Variants in SLIT1 observed in about 807,000 individuals in gnomAD.
SLIT1 encodes slit guidance ligand 1.
In SLIT1, 66 loss-of-function variants were observed where a neutral mutation model predicts 186.1. The observed-to-expected ratio is 0.35, with a 90% confidence interval of 0.29 to 0.44. The LOEUF (loss-of-function observed/expected upper bound fraction) is 0.44, where lower values mean the gene tolerates loss of function less well. Ranked by LOEUF, SLIT1 falls within the 20% of genes least tolerant of loss-of-function variation. The probability of loss-of-function intolerance (pLI) is 1.00; values close to 1 mark genes in which losing one functional copy is unlikely to be tolerated. For synonymous variants in SLIT1, 761 were observed against 833.8 expected (o/e 0.91, Z 1.50); for missense variants, 1,638 against 2,037.4 (o/e 0.80, Z 3.77).
intron 1 of SLIT1, among the ~76,000 whole-genome samples, chr10:97,172,719 T>C (rs990553401): frequency 1.3e-5 from 2 of 152,028 alleles, no homozygotes; most frequent in African/African-American, 4.8e-5. Flanking sequence ...CTGGGTGACA[T>C]AGCAAGACCC....
chr10:97,066,069 G>A lies in SLIT1; in HGVS notation c.431C>T (p.Ala144Val). 6.2e-7 allele frequency: 1 copy of A among 1,604,906 alleles called. No individual in the cohort carries two copies. ...AGCTTTCCTGGGGATGGCCTGGATG[G>A]CGTTCTCACTCAAGTCCCTGGGAGG... is the stretch of plus-strand genomic sequence containing the variant. ...ALSRLDLSEN[A>V]IQAIPRKAFR... The change falls in exon 5 of 37, where the codon GCC becomes GTC. Residue 144 changes from alanine to valine, a missense_variant. Ala to Val is a moderately conservative substitution (Grantham distance 64). Coordinates refer to ENST00000266058, the MANE Select transcript of SLIT1 (RefSeq NM_003061.3).
At position 97,010,878 on chromosome 10, in the gene SLIT1, C is replaced by T; in HGVS notation, c.3341+115G>A. 1 of 1,008,178 alleles carries T rather than the reference C, an allele frequency of 9.9e-7. No homozygotes were observed. Among genetic ancestry groups the T allele is most frequent in the South Asian group, 1.6e-5 (1 of 61,134 alleles). The allele number at this position is 1,008,178 out of a possible 1,614,324, so 62.5% of individuals were successfully genotyped here. On this transcript the variant is annotated intron_variant, in intron 31 of 36. Coordinates refer to ENST00000266058, the MANE Select transcript of SLIT1 (RefSeq NM_003061.3). This position sits in a 1 kb window ranked among gnomAD's most constrained non-coding sequence, Gnocchi z 4.8. ...AGAGCCACGGTTAAAACCCCAGCATCCAACTTCCAGGCTCTGACCCACACC... is the reference window on the plus strand; with the variant it reads ...AGAGCCACGGTTAAAACCCCAGCATTCAACTTCCAGGCTCTGACCCACACC...
At chr10:97,116,525 G>A (rs548338436) in intron 4 of SLIT1, among the ~76,000 whole-genome samples, 100 of 152,332 alleles carry the variant, frequency 6.6e-4, no homozygotes, top group African/African-American at 2.3e-3. Flanking sequence ...TGCTGACCAG[G>A]AGCCCATCCT....
intron 4 of SLIT1, among the ~76,000 whole-genome samples, chr10:97,118,762 T>C (rs2134685324): frequency 6.6e-6 from 1 of 152,332 alleles, no homozygotes; most frequent in South Asian, 2.1e-4. Context: ...CTCTGAACTA[T>C]ACATAATTTC....
intron 13 of SLIT1, 35 bp downstream of exon 13, chr10:97,056,286 G>T (rs1388558374): frequency 4.3e-6 from 7 of 1,611,168 alleles, no homozygotes; most frequent in Non-Finnish European, 5.1e-6. Context: ...CCCACCTGCT[G>T]GGAGGGGAGA....
At position 97,043,492 on chromosome 10, in the gene SLIT1, G is replaced by T; in HGVS notation, c.1875C>A (p.Ile625=). The change falls in exon 19 of 37, where the codon ATC becomes ATA. Residue 625 remains isoleucine (I), a synonymous_variant. Coordinates refer to ENST00000266058, the MANE Select transcript of SLIT1 (RefSeq NM_003061.3). The surrounding 1 kb of genome is among the most constrained non-coding windows in gnomAD (Gnocchi z 7.0). ...TGAAGCTGTCGTTGTGGATGCAGCTGATGCGGTTGTTCCGCAGCATTCTGG... is the reference window on the plus strand; with the variant it reads ...TGAAGCTGTCGTTGTGGATGCAGCTTATGCGGTTGTTCCGCAGCATTCTGG... The part of the protein sequence containing the change: ...LRTLMLRNNR[I]SCIHNDSFTG... The T allele has an allele frequency of 6.2e-7, 1 of 1,613,602 alleles. No individual in the cohort carries two copies. The highest frequency in any genetic ancestry group is 8.5e-7 in the Non-Finnish European group (1 of 1,179,850).
At position 97,000,934 on chromosome 10, in the gene SLIT1, G is replaced by C. The variant is rs543212115; in HGVS notation, c.*178C>G. 5.0e-6 allele frequency: 3 copies of C among 603,320 alleles called. No individual in the cohort carries two copies. The highest frequency in any genetic ancestry group is 5.9e-5 in the Admixed American group (2 of 34,034). 37.4% of individuals were successfully genotyped at this position (603,320 alleles called of 1,614,324 possible). On this transcript the variant is annotated 3_prime_UTR_variant, in exon 37 of 37. Transcript: ENST00000266058. ...GCCTCGCCCACCCCCGCTGCCCCCA[G>C]CTATGGCGCAATTTGCTTTTAAAAG...
At position 97,021,211 on chromosome 10, in the gene SLIT1, T is replaced by C. The variant is rs74153747; in HGVS notation, c.2746+39A>G. On this transcript the variant is annotated intron_variant, in intron 26 of 36. Transcript: ENST00000266058. This position sits in a 1 kb window ranked among gnomAD's most constrained non-coding sequence, Gnocchi z 4.5. Reference sequence around the variant, plus strand: ...GCCCTGCAGTGTTGGGCAAGTTCTGTGAGCCCCCAGCAGCAGGAGGCTGTG... The same window carrying C: ...GCCCTGCAGTGTTGGGCAAGTTCTGCGAGCCCCCAGCAGCAGGAGGCTGTG... 2.6e-3 allele frequency: 4,076 copies of C among 1,594,084 alleles called. 41 individuals are homozygous for C. In the African/African-American group the frequency reaches 0.033, roughly 13 times the overall value.
rs569094099 is a variant in SLIT1, at chr10:97,031,621, C to T, written c.2495G>A (p.Arg832His). 25 of 1,551,416 alleles carry T rather than the reference C, an allele frequency of 1.6e-5. No homozygotes were observed. The highest frequency in any genetic ancestry group is 1.3e-4 in the South Asian group (11 of 84,016). ...CIPPLAFQGLRSLRLLSLHGN... is the reference protein window; with the variant it reads ...CIPPLAFQGLHSLRLLSLHGN... Reference sequence around the variant, plus strand: ...GGAGACTTACAGCAGGCGCAGGGAGCGGAGTCCCTGGAAGGCCAAAGGCGG... The same window carrying T: ...GGAGACTTACAGCAGGCGCAGGGAGTGGAGTCCCTGGAAGGCCAAAGGCGG... Residue 832 changes from arginine to histidine, a missense_variant, in exon 24 of 37, where the codon CGC (arginine) becomes CAC (histidine). Coordinates refer to ENST00000266058, the MANE Select transcript of SLIT1 (RefSeq NM_003061.3).
At chr10:97,127,237 G>A (rs1010711240) in intron 4 of SLIT1, among the ~76,000 whole-genome samples, 2 of 151,254 alleles carry the variant, frequency 1.3e-5, no homozygotes, top group African/African-American at 4.9e-5. Context: ...AGTGAGCCGA[G>A]ATCACGCCAT....
Position 97,021,100 on chromosome 10 carries a change from G to T in SLIT1, c.2746+150C>A. On this transcript the variant is annotated intron_variant, in intron 26 of 36. Transcript: ENST00000266058. The surrounding 1 kb of genome is among the most constrained non-coding windows in gnomAD (Gnocchi z 4.5). The stretch of plus-strand genomic sequence containing the variant: ...TGTCCATGATATGTCAGGATTGGAA[G>T]GCAGCCATCAAGCCGCAGGTGCCTT... The T allele has an allele frequency of 1.5e-6, 1 of 656,386 alleles. No homozygotes were observed. The highest frequency in any genetic ancestry group is 2.5e-6 in the Non-Finnish European group (1 of 399,318). The allele number at this position is 656,386 out of a possible 1,614,324, so 40.7% of individuals were successfully genotyped here. A position where few individuals can be genotyped will look rare whatever the true frequency, so the allele number is the denominator to read the frequency against.
intron 1 of SLIT1, among the ~76,000 whole-genome samples, chr10:97,166,549 AGGAAGGAAAG>A (rs1850111631): frequency 2.1e-5 from 1 of 47,780 alleles, no homozygotes. Context: ...GAAGGAAGGA[AGGAAGGAAAG>A]AGAGAGAGAG....
intron 23 of SLIT1, among the ~76,000 whole-genome samples, chr10:97,032,070 C>T (rs984680243): frequency 1.3e-5 from 2 of 152,228 alleles, no homozygotes; most frequent in Non-Finnish European, 2.9e-5. Context: ...GGTGCATAGG[C>T]GAGTTCCCTA....
At chr10:97,171,338 C>A (rs1468274263) in intron 1 of SLIT1, among the ~76,000 whole-genome samples, 1 of 152,192 alleles carries the variant, frequency 6.6e-6, no homozygotes, top group Non-Finnish European at 1.5e-5. Context: ...AACACCCGCC[C>A]CATGCCTCTA....
chr10:97,088,306 C>T (rs781748768), intron 4 of SLIT1, among the ~76,000 whole-genome samples: 1 of 152,230 alleles, frequency 6.6e-6, no homozygotes, highest in African/African-American at 2.4e-5. Context: ...TATGGTGCCA[C>T]CTCTTTCTCC....
At chr10:97,089,208 C>G (rs1393688062) in intron 4 of SLIT1, among the ~76,000 whole-genome samples, 1 of 152,106 alleles carries the variant, frequency 6.6e-6, no homozygotes, top group Non-Finnish European at 1.5e-5. Context: ...AGTGCAAAAA[C>G]AGAATACAAA....
intron 4 of SLIT1, among the ~76,000 whole-genome samples, chr10:97,124,199 G>T (rs924760488): frequency 6.6e-6 from 1 of 152,178 alleles, no homozygotes; most frequent in Admixed American, 6.5e-5. Context: ...TATGAAAAAT[G>T]GTAGGAAATT....
chr10:97,012,206 CTTTG>C (rs1348075250), intron 30 of SLIT1, among the ~76,000 whole-genome samples: 4 of 151,638 alleles, frequency 2.6e-5, no homozygotes, highest in Admixed American at 2.6e-4. Context: ...CTGTCTGATA[CTTTG>C]TTTCATCTTT....
intron 4 of SLIT1, among the ~76,000 whole-genome samples, chr10:97,067,163 C>T (rs115701978): frequency 0.018 from 2,804 of 152,232 alleles, 89 homozygotes; most frequent in African/African-American, 0.064. Context: ...GTCAGGAGCA[C>T]GCAAGGGGCT....
Sources: gnomAD v4.1 joint callset for allele counts (sites outside exome capture counted in the v4.1 genomes callset) on GRCh38, gnomAD v4.1.1 for gene constraint, Gnocchi (gnomAD v3.1) non-coding constraint, MANE v1.5 for transcripts, NCBI Gene and HGNC (gene_info 2026-07-23, HGNC 2026-07-21) for gene names.